TAF3: variants seen among roughly 807,000 people sequenced by gnomAD.
TAF3 encodes the protein transcription initiation factor TFIID subunit 3.
Under a neutral mutation model 80.6 loss-of-function variants are expected in TAF3, and 7 were observed. That is an observed-to-expected ratio of 0.09 (90% CI 0.05 to 0.16). The LOEUF is 0.16. Among genes scored for constraint, TAF3 ranks in the 10% least tolerant of loss-of-function variants. The pLI is 1.00. For missense variants in TAF3, 921 were observed against 1,140.2 expected (o/e 0.81, Z 2.77); for synonymous variants, 444 against 446.1 (o/e 1.00, Z 0.06).
rs115597598 is a variant in TAF3, at chr10:7,953,921, G to A, written c.410-9999G>A. Among the ~76,000 whole-genome samples, 1,241 of 145,234 alleles carry A rather than the reference G, an allele frequency of 8.5e-3. 47 individuals are homozygous for A. Among genetic ancestry groups the A allele is most frequent in the African/African-American group, 0.028 (1,115 of 40,398 alleles). The stretch of plus-strand genomic sequence containing the variant: ...TTCAGAGTGCACTCCATAGGTGAAT[G>A]AGCGGATTAGTCCTAGTTAACACAG... On this transcript the variant is annotated intron_variant, in intron 2 of 6. Transcript: ENST00000344293.
chr10:7,994,175 C>T (rs1196395145), intron 4 of TAF3, among the ~76,000 whole-genome samples: 1 of 151,896 alleles, frequency 6.6e-6, no homozygotes, highest in African/African-American at 2.4e-5. Flanking sequence ...ATGTTGCCTA[C>T]TGGGTTTCGA....
intron 2 of TAF3, among the ~76,000 whole-genome samples, chr10:7,838,359 G>GT (rs200412133): frequency 4.1e-5 from 5 of 121,470 alleles, no homozygotes; most frequent in South Asian, 3.0e-4. Flanking sequence ...AGCCAGTTTT[G>GT]TTTTTTTTTG....
chr10:7,821,407 C>T (rs1348623291), intron 1 of TAF3, among the ~76,000 whole-genome samples: 1 of 152,108 alleles, frequency 6.6e-6, no homozygotes, highest in African/African-American at 2.4e-5. Context: ...CGAACCAACC[C>T]CTGTACTAGG....
intron 2 of TAF3, among the ~76,000 whole-genome samples, chr10:7,838,375 GTTGTTTGT>G (rs1554775950): frequency 3.3e-5 from 5 of 151,316 alleles, no homozygotes; most frequent in African/African-American, 9.7e-5. Context: ...TTTTGTTGTT[GTTGTTTGT>G]TTGTTTGTTT....
At chr10:7,911,708 T>C (rs1298305223) in intron 2 of TAF3, among the ~76,000 whole-genome samples, 4 of 152,242 alleles carry the variant, frequency 2.6e-5, no homozygotes, top group Non-Finnish European at 5.9e-5. Flanking sequence ...TCTGATTTTG[T>C]TGCCAACATT....
intron 4 of TAF3, among the ~76,000 whole-genome samples, chr10:8,006,786 C>A (rs1831997982): frequency 6.6e-6 from 1 of 152,192 alleles, no homozygotes; most frequent in Non-Finnish European, 1.5e-5. Context: ...TGAAGGCTGG[C>A]AGCAATGAGG....
At chr10:7,867,964 T>C (rs1337532600) in intron 2 of TAF3, among the ~76,000 whole-genome samples, 2 of 152,174 alleles carry the variant, frequency 1.3e-5, no homozygotes, top group Non-Finnish European at 2.9e-5. Context: ...AAAGAAAATA[T>C]TATTAAGAAA....
chr10:7,831,633 C>T (rs910312292), intron 2 of TAF3, among the ~76,000 whole-genome samples: 2 of 152,148 alleles, frequency 1.3e-5, no homozygotes, highest in East Asian at 3.9e-4. Flanking sequence ...AGTGAGCTAC[C>T]GTGCCCGGCC....
chr10:7,824,318 A>G lies in TAF3; in HGVS notation c.167A>G (p.Tyr56Cys). The G allele has an allele frequency of 1.9e-6, 3 of 1,600,864 alleles. No homozygotes were observed. The highest frequency in any genetic ancestry group is 2.6e-6 in the Non-Finnish European group (3 of 1,172,772). The change falls in exon 2 of 7, where the codon TAT becomes TGT. Residue 56 changes from tyrosine (Y) to cysteine (C), a missense_variant and splice_region_variant. Physicochemically the swap from Tyr to Cys is radical, Grantham distance 194. Around this residue, in one of 6 missense-constraint regions of TAF3, gnomAD observed 106 missense variants for 191.8 expected, o/e 0.55. Transcript: ENST00000344293. ...TGATTTGCTTTTCACTTTGTTTCAGATGGCCGAACAGACCCAATTTTGGAT... is the reference window on the plus strand; with the variant it reads ...TGATTTGCTTTTCACTTTGTTTCAGGTGGCCGAACAGACCCAATTTTGGAT... ...GRGCHRYSEL[Y>C]GRTDPILDDV...
intron 2 of TAF3, among the ~76,000 whole-genome samples, chr10:7,830,473 CTTTTTTTTTTTTTT>C (rs1176707860): frequency 3.5e-5 from 2 of 57,678 alleles, no homozygotes; most frequent in African/African-American, 6.7e-5. Context: ...CTTTACATGT[CTTTTTTTTTTTTTT>C]TTTTTTTTTT....
At chr10:7,968,498 G>A (rs1485596896) in intron 3 of TAF3, among the ~76,000 whole-genome samples, 2 of 152,164 alleles carry the variant, frequency 1.3e-5, no homozygotes, top group African/African-American at 2.4e-5. Flanking sequence ...AAGTTTTTTA[G>A]CTTCTTTAAT....
At chr10:7,904,779 G>GT (rs141354280) in intron 2 of TAF3, among the ~76,000 whole-genome samples, 2,845 of 152,116 alleles carry the variant, frequency 0.019, 89 homozygotes, top group African/African-American at 0.064. Context: ...GAAACTTGGG[G>GT]TTTTTTCCAG....
chr10:7,925,436 C>A (rs183430667), intron 2 of TAF3, among the ~76,000 whole-genome samples: 1 of 152,170 alleles, frequency 6.6e-6, no homozygotes, highest in Admixed American at 6.5e-5. Flanking sequence ...AGGTGTTAAC[C>A]TCTTTTATAA....
rs567856713 is a variant in TAF3, at chr10:7,870,911, A to G, written c.409+46351A>G. Among the ~76,000 whole-genome samples the G allele has an allele frequency of 2.0e-5, 3 of 152,274 alleles. No homozygotes were observed. In the East Asian group the frequency reaches 5.8e-4, roughly 29 times the overall value. The stretch of plus-strand genomic sequence containing the variant: ...AGAGTTTCTTGTAATATGAAAAAAA[A>G]TTGTTTCCTATAAAGCTATTAAGTT... On this transcript the variant is annotated intron_variant, in intron 2 of 6. Coordinates refer to ENST00000344293, the MANE Select transcript of TAF3 (RefSeq NM_031923.4).
chr10:7,875,722 C>T (rs1837306869), intron 2 of TAF3, among the ~76,000 whole-genome samples: 1 of 152,056 alleles, frequency 6.6e-6, no homozygotes, highest in African/African-American at 2.4e-5. Flanking sequence ...AATTTACCCC[C>T]CAAAGCCTCT....
intron 2 of TAF3, among the ~76,000 whole-genome samples, chr10:7,877,937 T>G (rs530639441): frequency 6.6e-6 from 1 of 152,176 alleles, no homozygotes; most frequent in Admixed American, 6.5e-5. Context: ...TCAAATACAT[T>G]GGAGCTAATG....
Position 8,014,839 on chromosome 10 carries a change from C to T in TAF3, c.*88C>T, listed in dbSNP as rs572038948. ...GGGAGCTGGTGCAAGTCTGCCGTCA[C>T]ATCCACCCCCAGATGCCTGTGGATA... On this transcript the variant is annotated 3_prime_UTR_variant, in exon 7 of 7. Transcript: ENST00000344293. 6.2e-6 allele frequency: 7 copies of T among 1,136,734 alleles called. No individual in the cohort carries two copies. The East Asian group carries it at 1.6e-4, about 26-fold the overall frequency. The allele number at this position is 1,136,734 out of a possible 1,614,324, so 70.4% of individuals were successfully genotyped here.
intron 2 of TAF3, among the ~76,000 whole-genome samples, chr10:7,922,068 A>G (rs1270247222): frequency 1.3e-5 from 2 of 152,126 alleles, no homozygotes; most frequent in Non-Finnish European, 2.9e-5. Flanking sequence ...CTTCCTTAAC[A>G]GTGATGGCCT....
chr10:7,864,117 T>A (rs1187792044), intron 2 of TAF3, among the ~76,000 whole-genome samples: 1 of 152,146 alleles, frequency 6.6e-6, no homozygotes, highest in Non-Finnish European at 1.5e-5. Context: ...TTCCTTAGGT[T>A]CACTCTTGGT....
Sources: allele counts gnomAD v4.1 joint callset (sites outside exome capture counted in the v4.1 genomes callset), GRCh38; gene constraint gnomAD v4.1.1; regional missense constraint gnomAD v4.1.1; transcripts MANE v1.5; gene names NCBI Gene and HGNC (gene_info 2026-07-23, HGNC 2026-07-21).